The following NLGN1 variants were observed in gnomAD, a reference collection of about 807,000 sequenced individuals.
NLGN1 encodes neuroligin 1, also known as neuroligin-1.
In NLGN1, 12 loss-of-function variants were observed where a neutral mutation model predicts 65.5. The ratio of observed to expected loss-of-function variants is 0.18; its 90% CI spans 0.12 to 0.30. The LOEUF is 0.30. NLGN1 is among the 10% of genes least tolerant of loss of function. NLGN1 has a pLI of 1.00. For missense variants in NLGN1, 750 were observed against 1,007.1 expected (o/e 0.74, Z 3.46); for synonymous variants, 350 against 359.5 (o/e 0.97, Z 0.30).
chr3:173,974,880 TG>T (rs1717073133), intron 4 of NLGN1, among the ~76,000 whole-genome samples: 1 of 152,080 alleles, frequency 6.6e-6, no homozygotes, highest in East Asian at 1.9e-4. Flanking sequence ...AGTAAAGCCA[TG>T]GGTCATAAAT....
chr3:173,724,743 T>C (rs1044615005), intron 3 of NLGN1, among the ~76,000 whole-genome samples: 9 of 152,312 alleles, frequency 5.9e-5, no homozygotes, highest in Non-Finnish European at 1.0e-4. Flanking sequence ...CATATGTTTA[T>C]TGCGGCACTA....
At chr3:173,544,665 C>G (rs1347058350) in intron 2 of NLGN1, among the ~76,000 whole-genome samples, 1 of 151,662 alleles carries the variant, frequency 6.6e-6, no homozygotes, top group African/African-American at 2.4e-5. Context: ...ATAAGAAAGA[C>G]CAGGAAAAAA....
chr3:174,274,190 A>AAAT (rs1750060202), intron 4 of NLGN1, among the ~76,000 whole-genome samples: 1 of 151,822 alleles, frequency 6.6e-6, no homozygotes, highest in South Asian at 2.1e-4. Flanking sequence ...ACATAATATA[A>AAAT]AATAGTCCAT....
intron 2 of NLGN1, among the ~76,000 whole-genome samples, chr3:173,542,205 C>T: frequency 6.6e-6 from 1 of 151,786 alleles, no homozygotes; most frequent in Middle Eastern, 3.2e-3. Flanking sequence ...TTCATTTCCC[C>T]TTTCTAAGAG....
chr3:174,225,528 A>G lies in NLGN1; in HGVS notation c.647-49787A>G, dbSNP rs542661733. Reference sequence around the variant, plus strand: ...AGGCGGATCATGAGGTCAGGAGATCAAGACCATCCTGGCTAACACAGTGAA... The same window carrying G: ...AGGCGGATCATGAGGTCAGGAGATCGAGACCATCCTGGCTAACACAGTGAA... On this transcript the variant is annotated intron_variant, in intron 4 of 6. Transcript: ENST00000457714. 2.5e-3 allele frequency among the ~76,000 whole-genome samples: 378 copies of G among 152,246 alleles called. 2 individuals carry two copies. Among genetic ancestry groups the G allele is most frequent in the African/African-American group, 8.5e-3 (354 of 41,524 alleles).
chr3:173,992,402 CA>C (rs1721308702), intron 4 of NLGN1, among the ~76,000 whole-genome samples: 1 of 152,038 alleles, frequency 6.6e-6, no homozygotes, highest in African/African-American at 2.4e-5. Context: ...ACAGAAAGAA[CA>C]AATTGAGAAA....
chr3:173,856,379 G>A (rs1370262318), intron 4 of NLGN1, among the ~76,000 whole-genome samples: 1 of 151,988 alleles, frequency 6.6e-6, no homozygotes, highest in East Asian at 1.9e-4. Context: ...CATCTATTTG[G>A]CAACTGGGCA....
chr3:173,737,135 A>G (rs758035601), intron 3 of NLGN1, among the ~76,000 whole-genome samples: 6 of 152,148 alleles, frequency 3.9e-5, no homozygotes, highest in South Asian at 2.1e-4. Context: ...GGTCTTAACT[A>G]CCTAGAGAAA....
chr3:173,540,416 C>T (rs376665241), intron 2 of NLGN1, among the ~76,000 whole-genome samples: 1 of 152,134 alleles, frequency 6.6e-6, no homozygotes, highest in Non-Finnish European at 1.5e-5. Flanking sequence ...TATGTTGACT[C>T]CAAAATCCAA....
At chr3:173,557,156 C>T (rs1318280595) in intron 2 of NLGN1, among the ~76,000 whole-genome samples, 1 of 152,126 alleles carries the variant, frequency 6.6e-6, no homozygotes, top group Non-Finnish European at 1.5e-5. Flanking sequence ...TAGGTATATA[C>T]ATATTCAGTT....
intron 4 of NLGN1, among the ~76,000 whole-genome samples, chr3:173,827,093 C>G (rs1721489677): frequency 6.6e-6 from 1 of 151,978 alleles, no homozygotes; most frequent in Non-Finnish European, 1.5e-5. Context: ...CCTGAGCAGC[C>G]ATACATTCCA....
At chr3:173,722,141 A>G (rs947787173) in intron 3 of NLGN1, among the ~76,000 whole-genome samples, 1 of 152,000 alleles carries the variant, frequency 6.6e-6, no homozygotes, top group Non-Finnish European at 1.5e-5. Context: ...TGTCCACACA[A>G]TGGGTTGATA....
chr3:173,500,399 A>G (rs1730870098), intron 2 of NLGN1, among the ~76,000 whole-genome samples: 1 of 152,202 alleles, frequency 6.6e-6, no homozygotes, highest in African/African-American at 2.4e-5. Flanking sequence ...CAAGGGATGA[A>G]GCCCACTTGA....
intron 4 of NLGN1, among the ~76,000 whole-genome samples, chr3:174,031,069 T>G (rs1302755452): frequency 6.6e-6 from 1 of 152,138 alleles, no homozygotes; most frequent in African/African-American, 2.4e-5. Context: ...TCGTTTTGCT[T>G]TCAGTGCCCA....
exon 3 of NLGN1, chr3:173,604,714 A>G (rs1287183346): frequency 3.7e-6 from 6 of 1,613,644 alleles, no homozygotes; most frequent in South Asian, 2.2e-5. Context: ...TGTTTGCTTC[A>G]GGCTGGCCAT....
intron 4 of NLGN1, among the ~76,000 whole-genome samples, chr3:173,878,423 A>G (rs1322412695): frequency 6.6e-6 from 1 of 152,118 alleles, no homozygotes; most frequent in Non-Finnish European, 1.5e-5. Flanking sequence ...ATCTATAAAA[A>G]TGTTCTGCAT....
At chr3:173,963,969 C>T (rs1296800165) in intron 4 of NLGN1, among the ~76,000 whole-genome samples, 2 of 152,058 alleles carry the variant, frequency 1.3e-5, no homozygotes, top group Non-Finnish European at 2.9e-5. Flanking sequence ...ACAGTTTTAT[C>T]AGAGAGACTA....
chr3:174,273,552 A>C (rs1040038631), intron 4 of NLGN1, among the ~76,000 whole-genome samples: 1 of 149,016 alleles, frequency 6.7e-6, no homozygotes, highest in African/African-American at 2.5e-5. Flanking sequence ...ATTTATATGA[A>C]TATTGAGTAT....
At chr3:173,833,456 G>GT (rs1171584021) in intron 4 of NLGN1, among the ~76,000 whole-genome samples, 9 of 151,542 alleles carry the variant, frequency 5.9e-5, no homozygotes, top group East Asian at 3.9e-4. Flanking sequence ...AAAAAAATTA[G>GT]TTTTTTTTGT....
Sources: allele counts gnomAD v4.1 joint callset (sites outside exome capture counted in the v4.1 genomes callset), GRCh38; gene constraint gnomAD v4.1.1; transcripts MANE v1.5; gene names NCBI Gene and HGNC (gene_info 2026-07-23, HGNC 2026-07-21).